COL23A1: variants seen among roughly 807,000 people sequenced by gnomAD.
COL23A1 encodes collagen type XXIII alpha 1 chain, also known as collagen alpha-1(XXIII) chain.
Under a neutral mutation model 99.3 loss-of-function variants are expected in COL23A1, and 97 were observed. That is an observed-to-expected ratio of 0.98 (90% CI 0.83 to 1.16). COL23A1 has a LOEUF of 1.16. Among genes scored for constraint, COL23A1 ranks in the 50% most tolerant of loss-of-function variants. The pLI, the probability that COL23A1 is intolerant of heterozygous loss-of-function variation, is 0.00. For synonymous variants in COL23A1, 320 were observed against 308.2 expected (o/e 1.04, Z -0.40); for missense variants, 762 against 757.4 (o/e 1.01, Z -0.07).
At chr5:178,380,313 C>G (rs1763310465) in intron 2 of COL23A1, among the ~76,000 whole-genome samples, 1 of 151,964 alleles carries the variant, frequency 6.6e-6, no homozygotes, top group Non-Finnish European at 1.5e-5. Flanking sequence ...TGTGGCACAC[C>G]AAGGCGGGGC....
chr5:178,522,014 G>A (rs951356019), intron 2 of COL23A1, among the ~76,000 whole-genome samples: 1 of 152,110 alleles, frequency 6.6e-6, no homozygotes, highest in African/African-American at 2.4e-5. Flanking sequence ...TTTATGTTAT[G>A]TATTTTTTAC....
chr5:178,275,110 C>G (rs1051756022), intron 5 of COL23A1, among the ~76,000 whole-genome samples: 8 of 152,248 alleles, frequency 5.3e-5, no homozygotes, highest in Non-Finnish European at 1.2e-4. Flanking sequence ...CAGTCCCTTG[C>G]TTTGCTCAGG....
chr5:178,255,026 CCT>C lies in COL23A1; in HGVS notation c.883-2_883-1del. On this transcript the variant is annotated splice_acceptor_variant, in intron 15 of 28. Coordinates refer to ENST00000390654, the MANE Select transcript of COL23A1 (RefSeq NM_173465.4). LOFTEE classifies it high-confidence loss of function. The surrounding 1 kb of genome is among the most constrained non-coding windows in gnomAD (Gnocchi z 4.2). ...TGCTCGCCCTTGAGGCCTGGGGCAC[CCT>C]GAGGCAGGAAGAAGAGTAAGAATTT... 1 of 1,612,852 alleles carries C rather than the reference CCT, an allele frequency of 6.2e-7. No individual in the cohort carries two copies. Among genetic ancestry groups the C allele is most frequent in the Non-Finnish European group, 8.5e-7 (1 of 1,179,190 alleles).
chr5:178,469,464 A>T (rs2127927239), intron 2 of COL23A1, among the ~76,000 whole-genome samples: 1 of 152,214 alleles, frequency 6.6e-6, no homozygotes, highest in South Asian at 2.1e-4. Flanking sequence ...TCACACACAC[A>T]TGCTGAAGGC....
Position 178,424,006 on chromosome 5 carries a change from T to G in COL23A1, c.362-117087A>C, listed in dbSNP as rs140984768. ...ATGAGGAAATTGACACTTGGAAGAA[T>G]TAAGTGACTTTCTCATTGTCACACA... On this transcript the variant is annotated intron_variant, in intron 2 of 28. Transcript: ENST00000390654. Among the ~76,000 whole-genome samples the G allele has an allele frequency of 3.3e-5, 5 of 152,278 alleles. No homozygotes were observed. The East Asian group carries it at 9.6e-4, about 29-fold the overall frequency.
chr5:178,515,679 C>A (rs1376709167), intron 2 of COL23A1, among the ~76,000 whole-genome samples: 1 of 152,172 alleles, frequency 6.6e-6, no homozygotes, highest in Non-Finnish European at 1.5e-5. Flanking sequence ...TCTGCTGGAC[C>A]CTAGGTCTAC....
At chr5:178,540,692 T>C (rs948112004) in intron 2 of COL23A1, among the ~76,000 whole-genome samples, 6 of 151,922 alleles carry the variant, frequency 3.9e-5, no homozygotes, top group African/African-American at 1.5e-4. Flanking sequence ...GAGGCTGACG[T>C]GGGAGGATGG....
intron 2 of COL23A1, among the ~76,000 whole-genome samples, chr5:178,495,054 T>C (rs985956418): frequency 2.0e-5 from 3 of 152,190 alleles, no homozygotes; most frequent in Non-Finnish European, 4.4e-5. Context: ...ACTGCCAGTG[T>C]CTGGGACCAG....
chr5:178,272,796 C>G (rs1322673465), intron 5 of COL23A1, among the ~76,000 whole-genome samples: 1 of 152,078 alleles, frequency 6.6e-6, no homozygotes, highest in East Asian at 1.9e-4. Context: ...TCGCGTCCCA[C>G]TAGGCATCCC....
intron 2 of COL23A1, among the ~76,000 whole-genome samples, chr5:178,480,058 T>A (rs1247421269): frequency 6.6e-6 from 1 of 151,168 alleles, no homozygotes; most frequent in Admixed American, 6.6e-5. Context: ...AGTAAAACGA[T>A]GGTATTATAA....
intron 2 of COL23A1, among the ~76,000 whole-genome samples, chr5:178,364,445 C>T (rs1016913323): frequency 6.6e-6 from 1 of 152,032 alleles, no homozygotes; most frequent in Non-Finnish European, 1.5e-5. Flanking sequence ...GTGGAGCAGG[C>T]CCACAGGTGG....
chr5:178,585,938 T>C (rs931039736), intron 1 of COL23A1, among the ~76,000 whole-genome samples: 3 of 152,172 alleles, frequency 2.0e-5, no homozygotes, highest in Non-Finnish European at 4.4e-5. Context: ...TGGCTGTAAG[T>C]CTGCCGAAAG....
chr5:178,259,257 T>A (rs1050782819), intron 12 of COL23A1, among the ~76,000 whole-genome samples: 10 of 151,756 alleles, frequency 6.6e-5, no homozygotes, highest in Non-Finnish European at 1.3e-4. Flanking sequence ...CTGAATGAGG[T>A]GAAGGAGGAG....
intron 2 of COL23A1, among the ~76,000 whole-genome samples, chr5:178,338,826 G>A (rs1035619708): frequency 7.0e-4 from 106 of 152,326 alleles, no homozygotes; most frequent in African/African-American, 2.5e-3. Flanking sequence ...GGGATCCTCT[G>A]CCTCTTTTTC....
At position 178,589,981 on chromosome 5, in the gene COL23A1, C is replaced by T. The variant is rs1240269678; in HGVS notation, c.217G>A (p.Glu73Lys). ...GGCGGCCCCGCGCGCCGCAGCAGCT[C>T]CCGCTCCTCCTCGAGCGCCGCCACC... is the stretch of plus-strand genomic sequence containing the variant. ...GRVAALEEER[E>K]LLRRAGPPGA... is the part of the protein sequence containing the mutation. Residue 73 changes from glutamate to lysine, a missense_variant, in exon 1 of 29, where the codon GAG (glutamate) becomes AAG (lysine). Physicochemically the swap from Glu to Lys is moderately conservative, Grantham distance 56. Transcript: ENST00000390654. This position sits in a 1 kb window ranked among gnomAD's most constrained non-coding sequence, Gnocchi z 5.4. 7.5e-7 allele frequency: 1 copy of T among 1,340,026 alleles called. No homozygotes were observed. The highest frequency in any genetic ancestry group is 3.2e-5 in the East Asian group (1 of 31,578). 83.0% of individuals were successfully genotyped at this position (1,340,026 alleles called of 1,614,324 possible).
chr5:178,385,928 C>A (rs750184528), intron 2 of COL23A1, among the ~76,000 whole-genome samples: 2 of 152,054 alleles, frequency 1.3e-5, no homozygotes, highest in Non-Finnish European at 2.9e-5. Context: ...TCCCTACAGT[C>A]GTAATACAGC....
chr5:178,284,217 C>T (rs576319477), intron 5 of COL23A1, among the ~76,000 whole-genome samples: 2 of 152,178 alleles, frequency 1.3e-5, no homozygotes, highest in East Asian at 1.9e-4. Flanking sequence ...CTCTTAAACA[C>T]GGGTGATTTC....
intron 2 of COL23A1, among the ~76,000 whole-genome samples, chr5:178,467,039 A>G (rs1427038103): frequency 1.3e-5 from 2 of 152,236 alleles, no homozygotes; most frequent in African/African-American, 4.8e-5. Context: ...TATACGTAAA[A>G]TGCCGTGGCA....
At chr5:178,494,926 C>T (rs775426027) in intron 2 of COL23A1, among the ~76,000 whole-genome samples, 56 of 152,192 alleles carry the variant, frequency 3.7e-4, no homozygotes, top group African/African-American at 8.0e-4. Flanking sequence ...GGTCCCGGAA[C>T]GCCCAGAGAC....
Sources: gnomAD v4.1 joint callset for allele counts (sites outside exome capture counted in the v4.1 genomes callset) on GRCh38, gnomAD v4.1.1 for gene constraint, Gnocchi (gnomAD v3.1) non-coding constraint, MANE v1.5 for transcripts, NCBI Gene and HGNC (gene_info 2026-07-23, HGNC 2026-07-21) for gene names.